The following PAH variants were observed in gnomAD, a reference collection of about 807,000 sequenced individuals.
PAH encodes the protein phenylalanine hydroxylase.
A neutral mutation model predicts 62.0 loss-of-function variants in PAH; 64 were observed. That is an observed-to-expected ratio of 1.03 (90% CI 0.84 to 1.27). The LOEUF is 1.27. PAH is among the 50% of genes most tolerant of loss of function. PAH has a pLI of 0.00. For missense variants in PAH, 579 were observed against 542.8 expected, an observed-to-expected ratio of 1.07 and a Z score of -0.66; for synonymous variants, 195 against 196.2, an observed-to-expected ratio of 0.99 and a Z score of 0.05.
chr12:102,883,865 A>G (rs1399343824), intron 3 of PAH, among the ~76,000 whole-genome samples: 1 of 152,252 alleles, frequency 6.6e-6, no homozygotes. Flanking sequence ...TGTGCAAATT[A>G]CTTAAGCCCT....
intron 1 of PAH, among the ~76,000 whole-genome samples, chr12:102,925,990 C>T (rs1878671522): frequency 6.6e-6 from 1 of 152,080 alleles, no homozygotes. Flanking sequence ...AGAGTGAGAT[C>T]ACTGAGGTGC....
chr12:102,873,919 T>G (rs1876461949), intron 4 of PAH, among the ~76,000 whole-genome samples: 1 of 152,224 alleles, frequency 6.6e-6, no homozygotes, highest in Non-Finnish European at 1.5e-5. Context: ...CATGGGATAT[T>G]TTTCATAAAC....
At chr12:102,945,985 A>C (rs1160711570) in intron 1 of PAH, 1 of 152,156 alleles carries the variant, frequency 6.6e-6, no homozygotes, top group East Asian at 1.9e-4. Context: ...GGTTCTTTCC[A>C]TGACTGGGTC....
rs116561503 is a variant in PAH, at chr12:102,929,201, C to T, written c.-95-11976G>A. On this transcript the variant is annotated intron_variant, in intron 1 of 3. Transcript: ENST00000546844. ...TTAAACCTCTTTCCTTTATTAATTA[C>T]CCGGTCTTGGGTATGTCTTTATTAG... is the stretch of plus-strand genomic sequence containing the variant. 8.2e-3 allele frequency among the ~76,000 whole-genome samples: 1,250 copies of T among 152,188 alleles called. 21 individuals are homozygous for T. Among genetic ancestry groups the T allele is most frequent in the African/African-American group, 0.029 (1,197 of 41,524 alleles).
intron 3 of PAH, among the ~76,000 whole-genome samples, chr12:102,884,869 TTCA>T (rs772198090): frequency 5.9e-5 from 9 of 152,240 alleles, no homozygotes; most frequent in Non-Finnish European, 1.3e-4. Flanking sequence ...GTGCTTTACT[TTCA>T]TCATCTCCTT....
At chr12:102,843,929 A>T in intron 10 of PAH, 150 bp from the exon 11 acceptor site, 1 of 843,860 alleles carries the variant, frequency 1.2e-6, no homozygotes, top group South Asian at 1.5e-5. Flanking sequence ...ATTACTTTGC[A>T]CATACTAGGT....
Position 102,866,625 on chromosome 12 carries a change from C to T in PAH, c.480G>A (p.Gln160=). The T allele has an allele frequency of 1.2e-6, 2 of 1,613,838 alleles. No homozygotes were observed. Among genetic ancestry groups the T allele is most frequent in the Non-Finnish European group, 1.7e-6 (2 of 1,179,780 alleles). The change falls in exon 5 of 13, where the codon CAG becomes CAA. Residue 160 remains glutamine, a synonymous_variant. Coordinates refer to ENST00000553106, the MANE Select transcript of PAH (RefSeq NM_000277.3). ...GGTAGTTGTAGGCAATGTCAGCAAACTGCTTCCGTCTTGCACGGTACACAG... is the reference window on the plus strand; with the variant it reads ...GGTAGTTGTAGGCAATGTCAGCAAATTGCTTCCGTCTTGCACGGTACACAG... ...KDPVYRARRK[Q]FADIAYNYRH...
chr12:102,896,367 T>A (rs1034473313), intron 2 of PAH, among the ~76,000 whole-genome samples: 3 of 152,212 alleles, frequency 2.0e-5, no homozygotes, highest in African/African-American at 7.2e-5. Context: ...ACAGGGTCAT[T>A]GCAGGCCATT....
At chr12:102,860,190 C>T (rs1875654011) in intron 5 of PAH, among the ~76,000 whole-genome samples, 2 of 152,144 alleles carry the variant, frequency 1.3e-5, no homozygotes, top group African/African-American at 2.4e-5. Flanking sequence ...CAATAACAGA[C>T]AAACAGAGAG....
chr12:102,877,919 G>T (rs2136679841), intron 3 of PAH, among the ~76,000 whole-genome samples: 1 of 152,218 alleles, frequency 6.6e-6, no homozygotes, highest in East Asian at 1.9e-4. Context: ...TCTGCCTCCT[G>T]GGTTCAAGTG....
intron 2 of PAH, among the ~76,000 whole-genome samples, chr12:102,899,542 A>G (rs1448671056): frequency 1.3e-5 from 2 of 152,196 alleles, no homozygotes; most frequent in Non-Finnish European, 2.9e-5. Context: ...ATAATTACAC[A>G]ATGGAAGATT....
At chr12:102,891,008 C>T (rs1192360583) in intron 3 of PAH, among the ~76,000 whole-genome samples, 3 of 152,212 alleles carry the variant, frequency 2.0e-5, no homozygotes, top group Non-Finnish European at 4.4e-5. Context: ...GGCTTGAACC[C>T]GAGAGGCGGA....
At chr12:102,941,290 T>C (rs566009101) in intron 1 of PAH, among the ~76,000 whole-genome samples, 1 of 152,214 alleles carries the variant, frequency 6.6e-6, no homozygotes, top group Admixed American at 6.5e-5. Context: ...AATAATAGGA[T>C]CAAATCTGAA....
At chr12:102,956,355 T>C (rs866860444) in intron 1 of PAH, among the ~76,000 whole-genome samples, 17 of 152,346 alleles carry the variant, frequency 1.1e-4, no homozygotes, top group Admixed American at 3.3e-4. Flanking sequence ...GACGGGGTTC[T>C]GGCCAGAGAG....
At chr12:102,940,021 T>G (rs1879236791) in intron 1 of PAH, among the ~76,000 whole-genome samples, 1 of 152,218 alleles carries the variant, frequency 6.6e-6, no homozygotes, top group Non-Finnish European at 1.5e-5. Flanking sequence ...TAATGGCCCT[T>G]ATGTTTAAGT....
rs903980030 is a variant in PAH, at chr12:102,837,618, T to C, written c.*1557A>G. 1.3e-5 allele frequency: 2 copies of C among 152,348 alleles called. No homozygotes were observed. The highest frequency in any genetic ancestry group is 3.9e-4 in the East Asian group (2 of 5,190). 9.4% of individuals were successfully genotyped at this position (152,348 alleles called of 1,614,324 possible). A position where few individuals can be genotyped will look rare whatever the true frequency, so the allele number is the denominator to read the frequency against. The stretch of plus-strand genomic sequence containing the variant: ...AGCTGGCATATATAAGCAGGTATTG[T>C]AACACCCCATCAGTGGATCAGGCAT... On this transcript the variant is annotated 3_prime_UTR_variant, in exon 13 of 13. Transcript: ENST00000553106.
intron 3 of PAH, among the ~76,000 whole-genome samples, chr12:102,880,476 C>G (rs1876769702): frequency 6.6e-6 from 1 of 152,270 alleles, no homozygotes; most frequent in East Asian, 1.9e-4. Context: ...AATCTCATCC[C>G]CACACTGCGG....
intron 1 of PAH, among the ~76,000 whole-genome samples, chr12:102,934,646 G>A (rs952339971): frequency 1.2e-4 from 18 of 151,652 alleles, no homozygotes; most frequent in African/African-American, 4.4e-4. Context: ...CACTTCTTAG[G>A]TTAACTCCTA....
chr12:102,955,011 G>A (rs529508858), upstream of PAH, among the ~76,000 whole-genome samples: 1 of 152,256 alleles, frequency 6.6e-6, no homozygotes, highest in Admixed American at 6.5e-5. Context: ...AGAAGAGTGA[G>A]GTCAGGCTCA....
Sources: allele counts gnomAD v4.1 joint callset (sites outside exome capture counted in the v4.1 genomes callset), GRCh38; gene constraint gnomAD v4.1.1; transcripts MANE v1.5; gene names NCBI Gene and HGNC (gene_info 2026-07-23, HGNC 2026-07-21).